The following LURAP1L variants were observed in gnomAD, a reference collection of about 807,000 sequenced individuals.
LURAP1L encodes leucine rich adaptor protein 1 like, also known as leucine rich adaptor protein 1-like.
In LURAP1L, 12 loss-of-function variants were observed where a neutral mutation model predicts 13.8. That is an observed-to-expected ratio of 0.87 (90% CI 0.56 to 1.41). The LOEUF is 1.41. Ranked by LOEUF, LURAP1L falls within the 40% of genes most tolerant of loss-of-function variation. LURAP1L has a pLI of 0.00. For missense variants in LURAP1L, 375 were observed against 292.9 expected (o/e 1.28, Z -2.04); for synonymous variants, 139 against 119.2 (o/e 1.17, Z -1.08).
rs138946882 is a variant in LURAP1L at position 12,815,418 on chromosome 9, A to G, written c.313-5968A>G. On this transcript the variant is annotated intron_variant, in intron 1 of 1. Coordinates refer to ENST00000319264, the MANE Select transcript of LURAP1L (RefSeq NM_203403.2). ...GACAGAACTAAACTCTCTTCCACCA[A>G]CTACAAATCAGAGAGAACGATGATT... Among the ~76,000 whole-genome samples, 953 of 152,328 alleles carry G rather than the reference A, an allele frequency of 6.3e-3. 4 individuals carry two copies. The highest frequency in any genetic ancestry group is 0.02 in the Middle Eastern group (6 of 294).
At chr9:12,797,808 C>G (rs889617689) in intron 1 of LURAP1L, among the ~76,000 whole-genome samples, 3 of 152,098 alleles carry the variant, frequency 2.0e-5, no homozygotes, top group African/African-American at 4.8e-5. Flanking sequence ...TTGACATTCT[C>G]TTTGCTAATT....
At chr9:12,810,732 G>A (rs1448877590) in intron 1 of LURAP1L, among the ~76,000 whole-genome samples, 1 of 152,154 alleles carries the variant, frequency 6.6e-6, no homozygotes, top group South Asian at 2.1e-4. Context: ...GAAAGTTAAT[G>A]TATTATCAGT....
At chr9:12,780,237 A>G (rs1046652961) in intron 1 of LURAP1L, among the ~76,000 whole-genome samples, 26 of 152,226 alleles carry the variant, frequency 1.7e-4, no homozygotes, top group African/African-American at 5.8e-4. Context: ...TTTTTCCAAC[A>G]GGAACTCAGT....
intron 1 of LURAP1L, among the ~76,000 whole-genome samples, chr9:12,803,389 G>C (rs1241629857): frequency 1.3e-5 from 2 of 152,208 alleles, no homozygotes; most frequent in South Asian, 2.1e-4. Context: ...TACAGGTTAA[G>C]TTACTGGTGG....
In LURAP1L at chr9:12,800,712, C is replaced by T. The variant is rs547781302; in HGVS notation, c.313-20674C>T. Among the ~76,000 whole-genome samples the T allele has an allele frequency of 9.2e-5, 14 of 152,240 alleles. No homozygotes were observed. The South Asian group carries it at 2.7e-3, about 29-fold the overall frequency. ...GTATCTCTTAATGAGCTCAAATCAT[C>T]ACCTTCTGCCGTGATTCTAAGTTTC... On this transcript the variant is annotated intron_variant, in intron 1 of 1. Coordinates refer to ENST00000319264, the MANE Select transcript of LURAP1L (RefSeq NM_203403.2).
At chr9:12,802,359 T>G (rs1418678416) in intron 1 of LURAP1L, among the ~76,000 whole-genome samples, 2 of 152,152 alleles carry the variant, frequency 1.3e-5, no homozygotes, top group African/African-American at 4.8e-5. Context: ...TTCCTCATGG[T>G]TTCACATCAC....
chr9:12,792,480 A>T (rs889586901), intron 1 of LURAP1L, among the ~76,000 whole-genome samples: 1 of 152,152 alleles, frequency 6.6e-6, no homozygotes, highest in Admixed American at 6.6e-5. Context: ...TTAAATAATG[A>T]ATGTAACATT....
At chr9:12,804,953 G>A (rs768714204) in intron 1 of LURAP1L, among the ~76,000 whole-genome samples, 6 of 151,646 alleles carry the variant, frequency 4.0e-5, no homozygotes, top group African/African-American at 9.7e-5. Flanking sequence ...TTCATTTACC[G>A]TGACCACCCA....
At chr9:12,779,108 T>C (rs1008220182) in intron 1 of LURAP1L, among the ~76,000 whole-genome samples, 5 of 152,116 alleles carry the variant, frequency 3.3e-5, no homozygotes, top group Non-Finnish European at 7.3e-5. Flanking sequence ...CAAAATACTA[T>C]AATATTTTCA....
intron 1 of LURAP1L, among the ~76,000 whole-genome samples, chr9:12,785,840 C>T (rs1483132556): frequency 1.3e-5 from 2 of 152,116 alleles, no homozygotes; most frequent in Admixed American, 6.5e-5. Flanking sequence ...GATTGTTCAC[C>T]TGATACTTGG....
At chr9:12,782,294 C>T (rs570574580) in intron 1 of LURAP1L, among the ~76,000 whole-genome samples, 4 of 152,232 alleles carry the variant, frequency 2.6e-5, no homozygotes, top group African/African-American at 7.2e-5. Context: ...GCTTCGGTTG[C>T]CTATGCTTAT....
At chr9:12,820,562 C>A (rs1037940935) in intron 1 of LURAP1L, among the ~76,000 whole-genome samples, 9 of 132,814 alleles carry the variant, frequency 6.8e-5, no homozygotes, top group Non-Finnish European at 1.2e-4. Flanking sequence ...AGGGAATTCT[C>A]AGACCTTCCC....
intron 1 of LURAP1L, among the ~76,000 whole-genome samples, chr9:12,789,792 G>C (rs1490398696): frequency 1.3e-5 from 2 of 152,114 alleles, no homozygotes; most frequent in Non-Finnish European, 2.9e-5. Flanking sequence ...TGTTCATATA[G>C]GTTTTTAGAA....
At chr9:12,813,601 T>C (rs1485870229) in intron 1 of LURAP1L, among the ~76,000 whole-genome samples, 1 of 152,156 alleles carries the variant, frequency 6.6e-6, no homozygotes, top group East Asian at 1.9e-4. Context: ...ATACTGCAGA[T>C]TGAAATTGAA....
chr9:12,805,773 G>T (rs1819648662), intron 1 of LURAP1L, among the ~76,000 whole-genome samples: 1 of 152,134 alleles, frequency 6.6e-6, no homozygotes, highest in Non-Finnish European at 1.5e-5. Flanking sequence ...GTACCTACTA[G>T]TCTCTGGAAT....
intron 1 of LURAP1L, among the ~76,000 whole-genome samples, chr9:12,792,874 TG>T (rs1180312643): frequency 6.6e-6 from 1 of 152,122 alleles, no homozygotes; most frequent in African/African-American, 2.4e-5. Context: ...ATTTTGTGTT[TG>T]CTTTGTAATG....
intron 1 of LURAP1L, among the ~76,000 whole-genome samples, chr9:12,779,783 C>T (rs1328537980): frequency 1.3e-5 from 2 of 152,130 alleles, no homozygotes; most frequent in African/African-American, 4.8e-5. Context: ...TATTTCTATT[C>T]TTCTCCCAGA....
chr9:12,807,330 G>T (rs1263048207), intron 1 of LURAP1L, among the ~76,000 whole-genome samples: 1 of 151,940 alleles, frequency 6.6e-6, no homozygotes, highest in African/African-American at 2.4e-5. Flanking sequence ...AAGAGAATTG[G>T]CCAGGGTAAT....
In LURAP1L at chr9:12,821,818, G is replaced by T. The variant is rs964564692; in HGVS notation, c.*58G>T. 6.5e-7 allele frequency: 1 copy of T among 1,528,042 alleles called. No homozygotes were observed. Among genetic ancestry groups the T allele is most frequent in the East Asian group, 2.3e-5 (1 of 43,940 alleles). The allele number at this position is 1,528,042 out of a possible 1,614,324, so 94.7% of individuals were successfully genotyped here. A position where few individuals can be genotyped will look rare whatever the true frequency, so the allele number is the denominator to read the frequency against. Reference sequence around the variant, plus strand: ...GAACTTGTATTTATCCTTCTTCTCCGCTGCTATATTTTTGGTGTGATTTTT... The same window carrying T: ...GAACTTGTATTTATCCTTCTTCTCCTCTGCTATATTTTTGGTGTGATTTTT... On this transcript the variant is annotated 3_prime_UTR_variant, in exon 2 of 2. Transcript: ENST00000319264.
Sources: allele counts gnomAD v4.1 joint callset (sites outside exome capture counted in the v4.1 genomes callset), GRCh38; gene constraint gnomAD v4.1.1; transcripts MANE v1.5; gene names NCBI Gene and HGNC (gene_info 2026-07-23, HGNC 2026-07-21).